The following ETV6 variants were observed in gnomAD, a reference collection of about 807,000 sequenced individuals.
ETV6 encodes the protein ETS variant transcription factor 6.
A neutral mutation model predicts 51.1 loss-of-function variants in ETV6; 16 were observed. The ratio of observed to expected loss-of-function variants is 0.31; its 90% confidence interval spans 0.21 to 0.48. ETV6 has a LOEUF of 0.48. Ranked by LOEUF, ETV6 falls within the 20% of genes least tolerant of loss-of-function variation. The pLI, the probability that ETV6 is intolerant of heterozygous loss-of-function variation, is 0.99. For missense variants in ETV6, 458 were observed against 594.8 expected, an observed-to-expected ratio of 0.77 and a Z score of 2.39; for synonymous variants, 240 against 224.1, an observed-to-expected ratio of 1.07 and a Z score of -0.64.
chr12:11,843,746 G>T (rs1249929237), intron 3 of ETV6, among the ~76,000 whole-genome samples: 1 of 151,978 alleles, frequency 6.6e-6, no homozygotes, highest in African/African-American at 2.4e-5. Context: ...CAAATTTATC[G>T]CATCTACTTC....
intron 3 of ETV6, among the ~76,000 whole-genome samples, chr12:11,846,149 C>G (rs1039389179): frequency 6.6e-6 from 1 of 151,422 alleles, no homozygotes; most frequent in African/African-American, 2.4e-5. Flanking sequence ...CTGAACCCAT[C>G]AAAGGCAGAA....
At chr12:11,793,867 G>C (rs1030132519) in intron 2 of ETV6, among the ~76,000 whole-genome samples, 4 of 152,208 alleles carry the variant, frequency 2.6e-5, no homozygotes, top group African/African-American at 9.6e-5. Flanking sequence ...CTCAGCAGCA[G>C]AGAACTGTGT....
chr12:11,869,482 C>T lies in ETV6; in HGVS notation c.522C>T (p.Pro174=), dbSNP rs1376405107. 1 of 1,613,984 alleles carries T rather than the reference C, an allele frequency of 6.2e-7. No homozygotes were observed. The highest frequency in any genetic ancestry group is 1.7e-5 in the Admixed American group (1 of 59,994). ...PSVDNVHHNP[P]TIELLHRSRS... is the part of the protein sequence containing the mutation. ...TGGATAATGTGCACCATAACCCTCC[C>T]ACCATTGAACTGTTGCACCGCTCCA... The change falls in exon 5 of 8, where the codon CCC becomes CCT. Residue 174 remains proline (P), a synonymous_variant. Transcript: ENST00000396373. This position sits in a 1 kb window ranked among gnomAD's most constrained non-coding sequence, Gnocchi z 5.0.
intron 1 of ETV6, among the ~76,000 whole-genome samples, chr12:11,691,128 A>G (rs1397363181): frequency 1.3e-5 from 2 of 152,090 alleles, no homozygotes; most frequent in Admixed American, 1.3e-4. Flanking sequence ...ACATGGCAGA[A>G]GGGCGGGGAG....
At chr12:11,796,822 T>C (rs1945684833) in intron 2 of ETV6, among the ~76,000 whole-genome samples, 2 of 151,744 alleles carry the variant, frequency 1.3e-5, no homozygotes, top group African/African-American at 4.8e-5. Context: ...GTTCTCTCTC[T>C]GTCACCCAGG....
chr12:11,813,102 G>A (rs1030319766), intron 2 of ETV6, among the ~76,000 whole-genome samples: 2 of 152,346 alleles, frequency 1.3e-5, no homozygotes, highest in South Asian at 2.1e-4. Context: ...CATGCCAGCC[G>A]GAGCCAACAG....
intron 1 of ETV6, among the ~76,000 whole-genome samples, chr12:11,742,181 C>T (rs1175553003): frequency 2.0e-5 from 3 of 152,168 alleles, no homozygotes; most frequent in Non-Finnish European, 2.9e-5. Flanking sequence ...CTTAATATTC[C>T]GTTAATCACT....
chr12:11,761,695 G>T (rs563743357), intron 2 of ETV6, among the ~76,000 whole-genome samples: 1 of 152,342 alleles, frequency 6.6e-6, no homozygotes, highest in East Asian at 1.9e-4. Flanking sequence ...TCTTGTAGGG[G>T]TCAGTTCCTT....
At chr12:11,793,311 G>A (rs569417911) in intron 2 of ETV6, among the ~76,000 whole-genome samples, 4 of 152,300 alleles carry the variant, frequency 2.6e-5, no homozygotes, top group South Asian at 4.1e-4. Flanking sequence ...AGGCACCAAC[G>A]GCAAGCTTGC....
intron 1 of ETV6, among the ~76,000 whole-genome samples, chr12:11,706,434 C>A (rs1324173791): frequency 6.6e-6 from 1 of 152,116 alleles, no homozygotes; most frequent in Non-Finnish European, 1.5e-5. Flanking sequence ...GTAAAACAGT[C>A]CTGCATAAAA....
intron 3 of ETV6, among the ~76,000 whole-genome samples, chr12:11,839,844 C>T (rs897473955): frequency 6.6e-6 from 1 of 152,176 alleles, no homozygotes; most frequent in Non-Finnish European, 1.5e-5. Context: ...TGCACCACTG[C>T]ACTCCAGCCC....
intron 3 of ETV6, among the ~76,000 whole-genome samples, chr12:11,844,281 A>G (rs1027129285): frequency 2.0e-5 from 3 of 152,188 alleles, no homozygotes; most frequent in Non-Finnish European, 2.9e-5. Flanking sequence ...TCAATGCTAA[A>G]AAAGGGAAAG....
chr12:11,702,356 G>A (rs2187641), intron 1 of ETV6, among the ~76,000 whole-genome samples: 86,569 of 151,950 alleles, frequency 0.57, 25,068 homozygotes, highest in Middle Eastern at 0.72. Flanking sequence ...ACATTTCTCC[G>A]ATCTTATTAT....
chr12:11,829,449 G>C (rs538650341), intron 2 of ETV6, among the ~76,000 whole-genome samples: 5 of 152,166 alleles, frequency 3.3e-5, no homozygotes, highest in Non-Finnish European at 7.4e-5. Context: ...GGTGCAGCCG[G>C]TGTTTTAACC....
intron 2 of ETV6, among the ~76,000 whole-genome samples, chr12:11,778,505 A>G (rs983891093): frequency 6.6e-6 from 1 of 152,160 alleles, no homozygotes; most frequent in African/African-American, 2.4e-5. Context: ...GATGCTCTCA[A>G]TATATGCGTG....
rs558173964 is a variant in ETV6 at position 11,649,698 on chromosome 12, T to C, written c.-430T>C. On this transcript the variant is annotated 5_prime_UTR_variant, in exon 1 of 8. Coordinates refer to ENST00000396373, the MANE Select transcript of ETV6 (RefSeq NM_001987.5). ...CACGTCAGTTTCTGCACTGAAACTC[T>C]CAAGATCAATGAGCAAAGAGCTTTC... Among the ~76,000 whole-genome samples, 2 of 149,644 alleles carry C rather than the reference T, an allele frequency of 1.3e-5. No homozygotes were observed. The highest frequency in any genetic ancestry group is 6.6e-5 in the Admixed American group (1 of 15,084).
intron 1 of ETV6, chr12:11,751,832 TCC>T: frequency 2.0e-6 from 1 of 509,992 alleles, no homozygotes; most frequent in Non-Finnish European, 3.9e-6. Flanking sequence ...TGCAGATAAT[TCC>T]TAGCAATGAA....
intron 1 of ETV6, among the ~76,000 whole-genome samples, chr12:11,653,300 G>A (rs1307122394): frequency 1.3e-5 from 2 of 152,184 alleles, no homozygotes; most frequent in African/African-American, 2.4e-5. Context: ...AAGTTGCAGC[G>A]GAAGGTGGTT....
intron 1 of ETV6, among the ~76,000 whole-genome samples, chr12:11,748,662 GTGGGGGAA>G (rs1865952081): frequency 6.6e-6 from 1 of 152,156 alleles, no homozygotes; most frequent in Non-Finnish European, 1.5e-5. Context: ...GAGGGTGGGT[GTGGGGGAA>G]CGTGGAGAAA....
Sources: allele counts gnomAD v4.1 joint callset (sites outside exome capture counted in the v4.1 genomes callset), GRCh38; gene constraint gnomAD v4.1.1; non-coding constraint Gnocchi (gnomAD v3.1); transcripts MANE v1.5; gene names NCBI Gene and HGNC (gene_info 2026-07-23, HGNC 2026-07-21).